PDZD2: variants seen among roughly 807,000 people sequenced by gnomAD.
PDZD2 encodes the protein PDZ domain-containing protein 2.
A neutral mutation model predicts 220.7 loss-of-function variants in PDZD2; 90 were observed. The observed-to-expected ratio is 0.41, with a 90% CI of 0.34 to 0.49. The LOEUF (loss-of-function observed/expected upper bound fraction) is 0.49, where lower values mean the gene tolerates loss of function less well. PDZD2 is among the 20% of genes least tolerant of loss of function. The probability of loss-of-function intolerance (pLI) is 0.28; values close to 1 mark genes in which losing one functional copy is unlikely to be tolerated. For missense variants in PDZD2, 3,174 were observed against 3,608.5 expected, an observed-to-expected ratio of 0.88 and a Z score of 3.08; for synonymous variants, 1,375 against 1,450.5, an observed-to-expected ratio of 0.95 and a Z score of 1.18.
chr5:31,988,204 C>G (rs1346121733), intron 3 of PDZD2, among the ~76,000 whole-genome samples: 1 of 152,192 alleles, frequency 6.6e-6, no homozygotes, highest in Admixed American at 6.5e-5. Flanking sequence ...TAGCTGAAAC[C>G]CGTTTGGTGG....
chr5:31,899,922 A>C (rs1204596201), intron 2 of PDZD2, among the ~76,000 whole-genome samples: 4 of 152,238 alleles, frequency 2.6e-5, no homozygotes, highest in Non-Finnish European at 2.9e-5. Flanking sequence ...GCCAGCCTCC[A>C]GAATAAATTT....
intron 6 of PDZD2, among the ~76,000 whole-genome samples, chr5:32,025,746 G>A (rs1275128340): frequency 6.6e-6 from 1 of 150,862 alleles, no homozygotes; most frequent in African/African-American, 2.4e-5. Flanking sequence ...GATTACAGGT[G>A]CCCTCCACAA....
chr5:31,696,677 C>T (rs946878304), intron 1 of PDZD2, among the ~76,000 whole-genome samples: 5 of 152,202 alleles, frequency 3.3e-5, no homozygotes, highest in African/African-American at 4.8e-5. Flanking sequence ...TGGTTCTCTC[C>T]CTTGCTGTCT....
In PDZD2 at chr5:32,108,018, T is replaced by TG. The variant is rs767534057; in HGVS notation, c.8404dup (p.Ala2802GlyfsTer3). 40 of 1,612,900 alleles carry TG rather than the reference T, an allele frequency of 2.5e-5. No homozygotes were observed. In the Admixed American group the frequency reaches 6.7e-4, roughly 27 times the overall value. On this transcript the variant is annotated frameshift_variant, in exon 25 of 25. Transcript: ENST00000438447. LOFTEE classifies it high-confidence loss of function. ...TAATAGAAGCTGGAGATGAAATTCT[T>TG]GCTATTAATGGGAAACCTCTGGTTG... is the stretch of plus-strand genomic sequence containing the variant.
intron 6 of PDZD2, among the ~76,000 whole-genome samples, chr5:32,027,975 C>A (rs958844185): frequency 6.6e-6 from 1 of 151,986 alleles, no homozygotes; most frequent in Non-Finnish European, 1.5e-5. Flanking sequence ...GGACACTGAC[C>A]GGGGAATGAG....
intron 1 of PDZD2, among the ~76,000 whole-genome samples, chr5:31,777,169 G>A (rs908052436): frequency 9.8e-5 from 15 of 152,312 alleles, no homozygotes; most frequent in African/African-American, 3.4e-4. Context: ...TTCCGGGTGG[G>A]CACGGGCTCG....
intron 2 of PDZD2, among the ~76,000 whole-genome samples, chr5:31,952,693 T>TTTGGAACTTGAACAAATC (rs1371784821): frequency 6.6e-6 from 1 of 152,284 alleles, no homozygotes; most frequent in East Asian, 1.9e-4. Flanking sequence ...AAAGAATTTA[T>TTTGGAACTTGAACAAATC]TTGGAACTTG....
intron 2 of PDZD2, chr5:31,823,267 C>T: frequency 3.0e-6 from 1 of 335,280 alleles, no homozygotes; most frequent in Non-Finnish European, 5.7e-6. Context: ...GAGATCAAGA[C>T]CAGCTGGGCC....
chr5:31,871,611 C>T (rs753553380), intron 2 of PDZD2, among the ~76,000 whole-genome samples: 4 of 151,268 alleles, frequency 2.6e-5, no homozygotes, highest in South Asian at 2.1e-4. Context: ...CCACCATGCC[C>T]GGCTAATTTT....
intron 2 of PDZD2, among the ~76,000 whole-genome samples, chr5:31,876,454 GGC>G (rs1266479776): frequency 6.6e-6 from 1 of 151,876 alleles, no homozygotes; most frequent in Admixed American, 6.6e-5. Context: ...CCTCATGCCT[GGC>G]TAATTTTTGT....
At position 32,090,406 on chromosome 5, in the gene PDZD2, T is replaced by C. The variant is rs1742993990; in HGVS notation, c.6958T>C (p.Cys2320Arg). Residue 2320 changes from cysteine to arginine, a missense_variant, in exon 20 of 25, where the codon TGC (cysteine) becomes CGC (arginine). Transcript: ENST00000438447. This position sits in a 1 kb window ranked among gnomAD's most constrained non-coding sequence, Gnocchi z 4.3. ...DKIKVTRRHY[C>R]YEQNWPHEST... ...AATCAAAGTCACCAGACGACACTAC[T>C]GCTATGAGCAGAACTGGCCCCATGA... 1.3e-5 allele frequency: 21 copies of C among 1,614,196 alleles called. No homozygotes were observed. The highest frequency in any genetic ancestry group is 1.8e-5 in the Non-Finnish European group (21 of 1,180,034).
intron 2 of PDZD2, among the ~76,000 whole-genome samples, chr5:31,859,522 C>T (rs1359886050): frequency 6.6e-6 from 1 of 152,166 alleles, no homozygotes; most frequent in African/African-American, 2.4e-5. Context: ...CTTTTTATAA[C>T]CTCCTGTTAC....
intron 3 of PDZD2, among the ~76,000 whole-genome samples, chr5:31,989,673 C>T (rs2111925078): frequency 6.6e-6 from 1 of 152,320 alleles, no homozygotes; most frequent in South Asian, 2.1e-4. Context: ...ATCTGCCTGC[C>T]TCGGCCTCCC....
intron 1 of PDZD2, among the ~76,000 whole-genome samples, chr5:31,766,823 G>C (rs1189240215): frequency 1.3e-5 from 2 of 150,962 alleles, no homozygotes; most frequent in African/African-American, 2.4e-5. Context: ...TCTGCCTCCT[G>C]GGTTCAAGTG....
chr5:32,057,941 C>G lies in PDZD2; in HGVS notation c.2038C>G (p.Pro680Ala), dbSNP rs1451228727. Residue 680 changes from proline to alanine, a missense_variant, in exon 12 of 25, where the codon CCC becomes GCC. By Grantham distance (27) the Pro-to-Ala change is conservative (BLOSUM62 -1). Coordinates refer to ENST00000438447, the MANE Select transcript of PDZD2 (RefSeq NM_178140.4). ...RTKLVSPSLTPCSTPTHMSRS... is the reference protein window; with the variant it reads ...RTKLVSPSLTACSTPTHMSRS... ...AAAGTTGGTGAGCCCCAGCCTCACA[C>G]CCTGCTCGACACCCACACACATGAG... The G allele has an allele frequency of 1.2e-6, 2 of 1,613,980 alleles. No homozygotes were observed. Among genetic ancestry groups the G allele is most frequent in the Non-Finnish European group, 1.7e-6 (2 of 1,179,918 alleles).
At chr5:31,857,377 G>T (rs1758552233) in intron 2 of PDZD2, among the ~76,000 whole-genome samples, 1 of 152,052 alleles carries the variant, frequency 6.6e-6, no homozygotes, top group Admixed American at 6.6e-5. Flanking sequence ...GTGTGTTTTA[G>T]ACCCCATGTC....
chr5:31,753,836 G>A (rs112302139), intron 1 of PDZD2, among the ~76,000 whole-genome samples: 71 of 152,272 alleles, frequency 4.7e-4, no homozygotes, highest in African/African-American at 1.2e-3. Context: ...GCCTTCTCCC[G>A]CTGAGGAAGA....
chr5:31,812,527 C>T (rs1317343001), intron 2 of PDZD2, among the ~76,000 whole-genome samples: 1 of 152,010 alleles, frequency 6.6e-6, no homozygotes, highest in African/African-American at 2.4e-5. Context: ...CAGCCTTGAA[C>T]TCCTGGGCTC....
Position 31,913,178 on chromosome 5 carries a change from G to C in PDZD2, c.477-69977G>C, listed in dbSNP as rs375584181. 5.9e-5 allele frequency among the ~76,000 whole-genome samples: 9 copies of C among 152,136 alleles called. 1 individual carries two copies. In the South Asian group the frequency reaches 1.7e-3, roughly 28 times the overall value. On this transcript the variant is annotated intron_variant, in intron 2 of 24. Coordinates refer to ENST00000438447, the MANE Select transcript of PDZD2 (RefSeq NM_178140.4). ...GAGGTCAGGAGTTCAAGACCAGCCT[G>C]GCCAATATGGCAAAACCCTGGGCGT...
Sources: allele counts gnomAD v4.1 joint callset (sites outside exome capture counted in the v4.1 genomes callset), GRCh38; gene constraint gnomAD v4.1.1; non-coding constraint Gnocchi (gnomAD v3.1); transcripts MANE v1.5; gene names NCBI Gene and HGNC (gene_info 2026-07-23, HGNC 2026-07-21).